The following KIF21A variants were observed in gnomAD, a reference collection of about 807,000 sequenced individuals.
The protein encoded by KIF21A is kinesin-like protein KIF21A.
KIF21A carries 114 observed loss-of-function variants against 202.9 expected under a neutral mutation model. The observed-to-expected ratio is 0.56, with a 90% CI of 0.48 to 0.66. KIF21A has a LOEUF of 0.66. Ranked by LOEUF, KIF21A falls within the 30% of genes least tolerant of loss-of-function variation. KIF21A has a pLI of 0.00. For missense variants in KIF21A, 1,677 were observed against 1,994.9 expected, an observed-to-expected ratio of 0.84 and a Z score of 3.04; for synonymous variants, 667 against 670.8, an observed-to-expected ratio of 0.99 and a Z score of 0.09.
chr12:39,422,701 G>T (rs1191450207), intron 1 of KIF21A, among the ~76,000 whole-genome samples: 1 of 152,140 alleles, frequency 6.6e-6, no homozygotes, highest in Admixed American at 6.5e-5. Context: ...TATGCCAAAA[G>T]TTCATCAAAC....
At chr12:39,386,487 T>G (rs1950957959) in intron 1 of KIF21A, among the ~76,000 whole-genome samples, 1 of 152,196 alleles carries the variant, frequency 6.6e-6, no homozygotes, top group African/African-American at 2.4e-5. Context: ...GCTCAACTCA[T>G]GTCCTAACAA....
intron 1 of KIF21A, among the ~76,000 whole-genome samples, chr12:39,398,760 C>T (rs891488319): frequency 1.3e-5 from 2 of 152,086 alleles, no homozygotes; most frequent in Non-Finnish European, 2.9e-5. Flanking sequence ...AAATAAGTAG[C>T]TTGTGAGACA....
At chr12:39,342,201 A>T (rs955439847) in intron 12 of KIF21A, 77 bp from the exon 13 acceptor site, 14 of 1,001,884 alleles carry the variant, frequency 1.4e-5, no homozygotes, top group South Asian at 1.2e-4. Flanking sequence ...AGATTTTTAG[A>T]AGCCATCAAT....
chr12:39,376,729 A>C (rs1020253152), intron 1 of KIF21A, among the ~76,000 whole-genome samples: 16 of 152,182 alleles, frequency 1.1e-4, no homozygotes, highest in African/African-American at 1.7e-4. Context: ...GCAAACGATC[A>C]AACTTAAATT....
At chr12:39,388,649 G>C (rs1592490792) in intron 1 of KIF21A, among the ~76,000 whole-genome samples, 1 of 152,208 alleles carries the variant, frequency 6.6e-6, no homozygotes, top group Non-Finnish European at 1.5e-5. Context: ...TATTGTTTTG[G>C]ATCTCAGAGC....
At chr12:39,355,159 C>T (rs1948670327) in intron 10 of KIF21A, among the ~76,000 whole-genome samples, 1 of 152,158 alleles carries the variant, frequency 6.6e-6, no homozygotes. Context: ...TGATCAGCAA[C>T]TGAACTCAGA....
At chr12:39,437,248 A>G (rs1938940917) in intron 1 of KIF21A, among the ~76,000 whole-genome samples, 1 of 152,194 alleles carries the variant, frequency 6.6e-6, no homozygotes, top group Admixed American at 6.5e-5. Flanking sequence ...AGGCATCAAA[A>G]TATTAACCAA....
At position 39,341,103 on chromosome 12, in the gene KIF21A, A is replaced by T; in HGVS notation, c.1922-9T>A. On this transcript the variant is annotated splice_polypyrimidine_tract_variant and intron_variant, in intron 14 of 37. Coordinates refer to ENST00000361418, the MANE Select transcript of KIF21A (RefSeq NM_001173464.2). ...GTCTGCTTGATAATTGGCTATTTAT[A>T]AAAGAAGAAAATAAAAATCCTGGTG... 1 of 1,580,776 alleles carries T rather than the reference A, an allele frequency of 6.3e-7. No homozygotes were observed. The highest frequency in any genetic ancestry group is 8.6e-7 in the Non-Finnish European group (1 of 1,158,766).
At chr12:39,416,683 G>GTGTGTATATATA (rs1566266375) in intron 1 of KIF21A, among the ~76,000 whole-genome samples, 13 of 88,794 alleles carry the variant, frequency 1.5e-4, no homozygotes, top group African/African-American at 6.3e-4. Context: ...ACATATATAT[G>GTGTGTATATATA]TGTGTATATA....
At chr12:39,305,850 A>G (rs1157871906) in intron 34 of KIF21A, among the ~76,000 whole-genome samples, 4 of 152,360 alleles carry the variant, frequency 2.6e-5, no homozygotes, top group Non-Finnish European at 5.9e-5. Context: ...ATACTGAGAA[A>G]GTAAAATTAT....
rs1276938836 is a variant in KIF21A at position 39,293,296 on chromosome 12, G to T, written c.*1128C>A. The T allele has an allele frequency of 6.6e-6, 1 of 152,180 alleles. No individual in the cohort carries two copies. The highest frequency in any genetic ancestry group is 1.9e-4 in the East Asian group (1 of 5,194). The allele number at this position is 152,180 out of a possible 1,614,324, so 9.4% of individuals were successfully genotyped here. On this transcript the variant is annotated 3_prime_UTR_variant, in exon 38 of 38. Transcript: ENST00000361418. The stretch of plus-strand genomic sequence containing the variant: ...CATTTACAAGCAAATATTTTCAGGG[G>T]AAAAAATCACATAAGACAATATTTT...
intron 37 of KIF21A, among the ~76,000 whole-genome samples, chr12:39,301,053 A>G (rs1942910176): frequency 6.6e-6 from 1 of 152,222 alleles, no homozygotes; most frequent in African/African-American, 2.4e-5. Flanking sequence ...GCCATCCACA[A>G]GCGGGAGGAA....
chr12:39,330,295 G>A, intron 23 of KIF21A, 33 bp from the exon 24 acceptor site: 3 of 1,598,640 alleles, frequency 1.9e-6, no homozygotes, highest in Non-Finnish European at 2.6e-6. Context: ...GAAACAAAAA[G>A]CAATACTCCA....
intron 37 of KIF21A, among the ~76,000 whole-genome samples, chr12:39,299,531 G>C (rs1439072991): frequency 6.6e-6 from 1 of 152,150 alleles, no homozygotes; most frequent in Non-Finnish European, 1.5e-5. Flanking sequence ...AACCATTGTG[G>C]AAAGCAGTGT....
rs181756583 is a variant in KIF21A, at chr12:39,362,248, T to A, written c.1019+850A>T. On this transcript the variant is annotated intron_variant, in intron 7 of 37. Transcript: ENST00000361418. ...TCTGTATAAATTACCCAGTCTCAGG[T>A]ATTTATGGCAGTGCAAGAACGAACT... 7.9e-5 allele frequency among the ~76,000 whole-genome samples: 12 copies of A among 152,310 alleles called. 1 individual carries two copies. In the East Asian group the frequency reaches 2.3e-3, roughly 29 times the overall value.
At chr12:39,384,573 G>A (rs570957480) in intron 1 of KIF21A, among the ~76,000 whole-genome samples, 1 of 152,284 alleles carries the variant, frequency 6.6e-6, no homozygotes, top group Admixed American at 6.5e-5. Flanking sequence ...TAGAATATAG[G>A]TATATAGGGC....
At chr12:39,355,106 T>C (rs1948666864) in intron 10 of KIF21A, among the ~76,000 whole-genome samples, 2 of 152,136 alleles carry the variant, frequency 1.3e-5, no homozygotes, top group South Asian at 2.1e-4. Context: ...CAGAGACAAG[T>C]TGAGAATCTG....
At chr12:39,354,278 T>G (rs1948609759) in intron 10 of KIF21A, among the ~76,000 whole-genome samples, 1 of 152,136 alleles carries the variant, frequency 6.6e-6, no homozygotes, top group Non-Finnish European at 1.5e-5. Context: ...TTGTAGAAAC[T>G]TTTTAACATT....
At chr12:39,390,748 G>C (rs897203230) in intron 1 of KIF21A, among the ~76,000 whole-genome samples, 2 of 151,894 alleles carry the variant, frequency 1.3e-5, no homozygotes, top group Admixed American at 6.6e-5. Flanking sequence ...AGCACTATTG[G>C]AAAAAAACAA....
Sources: gnomAD v4.1 joint callset for allele counts (sites outside exome capture counted in the v4.1 genomes callset) on GRCh38, gnomAD v4.1.1 for gene constraint, MANE v1.5 for transcripts, NCBI Gene and HGNC (gene_info 2026-07-23, HGNC 2026-07-21) for gene names.